Variants in MINDY4B observed in about 807,000 individuals in gnomAD.
The protein encoded by MINDY4B is MINDY family member 4B.
MINDY4B carries 25 observed loss-of-function variants against 16.7 expected under a neutral mutation model. The observed-to-expected ratio is 1.49, with a 90% CI of 1.09 to 2.09. The LOEUF (loss-of-function observed/expected upper bound fraction) is 2.09. Among genes scored for constraint, MINDY4B ranks in the 30% most tolerant of loss-of-function variants. The probability of loss-of-function intolerance (pLI) is 0.00; values close to 1 mark genes in which losing one functional copy is unlikely to be tolerated. For missense variants in MINDY4B, 327 were observed against 168.4 expected (o/e 1.94, Z -5.21); for synonymous variants, 132 against 61.9 (o/e 2.13, Z -5.32).
chr3:150,873,263 C>T lies in MINDY4B; in HGVS notation c.1164G>A (p.Trp388Ter). 1 of 703,120 alleles carries T rather than the reference C, an allele frequency of 1.4e-6. No homozygotes were observed. The highest frequency in any genetic ancestry group is 1.5e-5 in the South Asian group (1 of 67,592). The allele number at this position is 703,120 out of a possible 1,614,324, so 43.6% of individuals were successfully genotyped here. Residue 388 changes from tryptophan to a stop codon, truncating the protein, a stop_gained, in exon 11 of 12, where the codon TGG (tryptophan) becomes TGA (stop). Transcript: ENST00000465419. LOFTEE classifies it high-confidence loss of function. ...ACAGATCAAAGAGACGTTCCATTTT[C>T]CAGTCTGATAAGAGCTGCCTGTTTG... is the stretch of plus-strand genomic sequence containing the variant. ...FCTNRQLLSD[W>*]KMERLFDLYF...
intron 10 of MINDY4B, among the ~76,000 whole-genome samples, chr3:150,880,415 C>A (rs1559964904): frequency 6.6e-6 from 1 of 152,044 alleles, no homozygotes; most frequent in Non-Finnish European, 1.5e-5. Context: ...CACAAGCAGA[C>A]TTGTGTAGGA....
Position 150,871,152 on chromosome 3 carries a change from C to T in MINDY4B, c.1276G>A (p.Glu426Lys), listed in dbSNP as rs1018275465. ...CGTCGTCTTGGTCCATGTTTCTCTT[C>T]CTGTTGGTCTCTTTCCCAGTGATGG... The part of the protein sequence containing the change: ...HSHHWERDQQ[E>K]EKHGPRRRFS... Residue 426 changes from glutamate (E) to lysine (K), a missense_variant, in exon 12 of 12, where the codon GAA becomes AAA. Coordinates refer to ENST00000465419, the MANE Select transcript of MINDY4B (RefSeq NM_001351281.2). 1.4e-6 allele frequency: 1 copy of T among 702,782 alleles called. No homozygotes were observed. The highest frequency in any genetic ancestry group is 1.5e-5 in the South Asian group (1 of 67,586). 43.5% of individuals were successfully genotyped at this position (702,782 alleles called of 1,614,324 possible). A position where few individuals can be genotyped will look rare whatever the true frequency, so the allele number is the denominator to read the frequency against.
intron 10 of MINDY4B, among the ~76,000 whole-genome samples, chr3:150,876,085 G>A (rs758356435): frequency 6.6e-5 from 10 of 152,262 alleles, no homozygotes; most frequent in Middle Eastern, 6.8e-3. Context: ...GCTTCATGTT[G>A]CCATGGTAAA....
chr3:150,887,831 AG>A (rs1280325058), intron 7 of MINDY4B, among the ~76,000 whole-genome samples: 1 of 152,100 alleles, frequency 6.6e-6, no homozygotes, highest in African/African-American at 2.4e-5. Flanking sequence ...GGCCATTGCC[AG>A]GCGCGGTGGC....
At chr3:150,902,227 C>T (rs1712133576) in intron 3 of MINDY4B, among the ~76,000 whole-genome samples, 1 of 151,930 alleles carries the variant, frequency 6.6e-6, no homozygotes, top group African/African-American at 2.4e-5. Context: ...TGCCCAGATG[C>T]CTAGGCTGGT....
chr3:150,904,203 T>C (rs1255590153), intron 2 of MINDY4B, among the ~76,000 whole-genome samples: 4 of 152,210 alleles, frequency 2.6e-5, no homozygotes, highest in Non-Finnish European at 4.4e-5. Context: ...CCAATGGGTT[T>C]TTCCCACCGT....
At chr3:150,900,891 T>C (rs1370538543) in intron 3 of MINDY4B, among the ~76,000 whole-genome samples, 4 of 152,242 alleles carry the variant, frequency 2.6e-5, no homozygotes, top group Admixed American at 6.5e-5. Flanking sequence ...GCTTTTTCTA[T>C]TTTTAAAATT....
intron 3 of MINDY4B, among the ~76,000 whole-genome samples, chr3:150,897,013 T>C (rs1261217954): frequency 6.6e-6 from 1 of 152,108 alleles, no homozygotes; most frequent in Non-Finnish European, 1.5e-5. Context: ...AGGTAAGAAG[T>C]ATTAAAGAGG....
chr3:150,903,505 C>G (rs879696505), intron 2 of MINDY4B, 89 bp from the exon 3 acceptor site: 2 of 397,348 alleles, frequency 5.0e-6, no homozygotes, highest in Non-Finnish European at 8.9e-6. Flanking sequence ...TCTGAAATAC[C>G]AGTGTTCAGA....
Position 150,883,575 on chromosome 3 carries a change from G to T in MINDY4B, c.897+125C>A. ...CCGGATTGCTCTTTACTTAAGGAGAGAATATATTTAATTAGAAAACAATCC... is the reference window on the plus strand; with the variant it reads ...CCGGATTGCTCTTTACTTAAGGAGATAATATATTTAATTAGAAAACAATCC... On this transcript the variant is annotated intron_variant, in intron 9 of 11. Coordinates refer to ENST00000465419, the MANE Select transcript of MINDY4B (RefSeq NM_001351281.2). The T allele has an allele frequency of 2.5e-5, 16 of 635,836 alleles. No individual in the cohort carries two copies. The South Asian group carries it at 2.9e-4, about 12-fold the overall frequency. The allele number at this position is 635,836 out of a possible 1,614,324, so 39.4% of individuals were successfully genotyped here.
At chr3:150,887,638 T>C (rs1195437908) in intron 7 of MINDY4B, among the ~76,000 whole-genome samples, 1 of 152,210 alleles carries the variant, frequency 6.6e-6, no homozygotes, top group African/African-American at 2.4e-5. Context: ...ACTTCTGACA[T>C]TCACTGATTC....
intron 7 of MINDY4B, among the ~76,000 whole-genome samples, chr3:150,887,676 T>C (rs34204678): frequency 0.068 from 10,427 of 152,286 alleles, 506 homozygotes; most frequent in African/African-American, 0.13. Flanking sequence ...CACTGTAGGC[T>C]AATGCTGCAG....
At chr3:150,896,567 A>T (rs1016344754) in intron 3 of MINDY4B, among the ~76,000 whole-genome samples, 1 of 152,238 alleles carries the variant, frequency 6.6e-6, no homozygotes, top group African/African-American at 2.4e-5. Context: ...CTTTTGTCCC[A>T]CGGGGCGTTC....
chr3:150,893,508 C>T (rs1317226408), intron 4 of MINDY4B, 93 bp from the exon 5 acceptor site: 2 of 693,510 alleles, frequency 2.9e-6, no homozygotes, highest in East Asian at 5.4e-5. Context: ...TGGTATCCCC[C>T]AGAGCTTTGT....
At chr3:150,884,066 G>T (rs1711567639) in intron 8 of MINDY4B, among the ~76,000 whole-genome samples, 1 of 152,206 alleles carries the variant, frequency 6.6e-6, no homozygotes, top group African/African-American at 2.4e-5. Flanking sequence ...GAAGCTCTTT[G>T]TTCTATGTGA....
intron 10 of MINDY4B, among the ~76,000 whole-genome samples, chr3:150,882,224 G>T (rs1711531346): frequency 6.6e-6 from 1 of 152,152 alleles, no homozygotes; most frequent in African/African-American, 2.4e-5. Context: ...TTTGGGATGG[G>T]TATATTTGCT....
intron 2 of MINDY4B, 57 bp downstream of exon 2, chr3:150,905,005 T>G (rs1168613577): frequency 5.0e-6 from 2 of 398,338 alleles, no homozygotes; most frequent in Non-Finnish European, 8.9e-6. Flanking sequence ...GCTGTTAATG[T>G]GATTGTTTGA....
chr3:150,873,305 G>A lies in MINDY4B; in HGVS notation c.1122C>T (p.Tyr374=), dbSNP rs1170131952. The part of the protein sequence containing the change: ...PIWLCNINGN[Y]SILFCTNRQL... ...GCCTGTTTGTGCAAAAAAGGATGCT[G>A]TAATTTCCATTGATGTTGCACAGCC... The change falls in exon 11 of 12, where the codon TAC becomes TAT. Residue 374 remains tyrosine (Y), a synonymous_variant. Transcript: ENST00000465419. 2 of 702,744 alleles carry A rather than the reference G, an allele frequency of 2.8e-6. No homozygotes were observed. The highest frequency in any genetic ancestry group is 5.2e-6 in the Non-Finnish European group (2 of 384,846). The allele number at this position is 702,744 out of a possible 1,614,324, so 43.5% of individuals were successfully genotyped here. A position where few individuals can be genotyped will look rare whatever the true frequency, so the allele number is the denominator to read the frequency against.
At chr3:150,890,843 T>C (rs1711780972) in intron 6 of MINDY4B, 95 bp downstream of exon 6, 9 of 649,870 alleles carry the variant, frequency 1.4e-5, no homozygotes, top group East Asian at 1.1e-4. Context: ...ATCAGGAGCA[T>C]GGATGGGGCC....
Sources: allele counts gnomAD v4.1 joint callset (sites outside exome capture counted in the v4.1 genomes callset), GRCh38; gene constraint gnomAD v4.1.1; transcripts MANE v1.5; gene names NCBI Gene and HGNC (gene_info 2026-07-23, HGNC 2026-07-21).